KRT81: variants seen among roughly 807,000 people sequenced by gnomAD.
KRT81 encodes the protein keratin 81.
In KRT81, 35 loss-of-function variants were observed where a neutral mutation model predicts 35.8. The ratio of observed to expected loss-of-function variants is 0.98; its 90% CI spans 0.75 to 1.30. The LOEUF is 1.30. KRT81 is among the 50% of genes most tolerant of loss of function. KRT81 has a pLI of 0.00. For synonymous variants in KRT81, 249 were observed against 251.2 expected, an observed-to-expected ratio of 0.99 and a Z score of 0.08; for missense variants, 531 against 577.4, an observed-to-expected ratio of 0.92 and a Z score of 0.82.
rs936511328 is a variant in KRT81, at chr12:52,288,164, G to A, written c.736-16C>T. On this transcript the variant is annotated splice_polypyrimidine_tract_variant and intron_variant, in intron 4 of 8. Transcript: ENST00000327741. ...TGAGGATCTCCTGCAGGAGGTGAGGGCAGTGACTTTAGTTGAGAATACAGC... is the reference window on the plus strand; with the variant it reads ...TGAGGATCTCCTGCAGGAGGTGAGGACAGTGACTTTAGTTGAGAATACAGC... 3.1e-6 allele frequency: 5 copies of A among 1,613,854 alleles called. No individual in the cohort carries two copies. Among genetic ancestry groups the A allele is most frequent in the Non-Finnish European group, 3.4e-6 (4 of 1,179,968 alleles).
Position 52,291,524 on chromosome 12 carries a change from A to G in KRT81, c.-59T>C. The G allele has an allele frequency of 5.0e-6, 8 of 1,602,520 alleles. No homozygotes were observed. Among genetic ancestry groups the G allele is most frequent in the Non-Finnish European group, 6.0e-6 (7 of 1,173,520 alleles). ...GATAGGGGACCTGGAGTCCTGATGG[A>G]AACTCCAATGTGCTCCTCAGGGCAC... On this transcript the variant is annotated 5_prime_UTR_variant, in exon 1 of 9. Transcript: ENST00000327741.
intron 3 of KRT81, among the ~76,000 whole-genome samples, chr12:52,288,726 C>A (rs1414056273): frequency 6.6e-6 from 1 of 152,068 alleles, no homozygotes; most frequent in Non-Finnish European, 1.5e-5. Flanking sequence ...CTCCAGGAAG[C>A]CTGCCCAGAC....
chr12:52,286,730 A>G, intron 8 of KRT81, 61 bp downstream of exon 8: 1 of 1,553,982 alleles, frequency 6.4e-7, no homozygotes, highest in Non-Finnish European at 8.9e-7. Flanking sequence ...CCTTTTTCCA[A>G]ACTCTGCCCT....
chr12:52,290,426 G>A, intron 1 of KRT81, 140 bp from the exon 2 acceptor site: 1 of 24,836 alleles, frequency 4.0e-5, no homozygotes, highest in Non-Finnish European at 6.9e-5. Context: ...GGCAGTGGGA[G>A]ACAGACAATT....
chr12:52,286,961 C>A (rs1592422428), intron 7 of KRT81, 139 bp from the exon 8 acceptor site: 1 of 1,548,136 alleles, frequency 6.5e-7, no homozygotes, highest in East Asian at 2.3e-5. Context: ...GACAAACTCA[C>A]ACACCAGCCC....
At chr12:52,286,904 C>G (rs1937961074) in intron 7 of KRT81, 82 bp from the exon 8 acceptor site, 1 of 1,555,876 alleles carries the variant, frequency 6.4e-7, no homozygotes, top group African/African-American at 1.4e-5. Flanking sequence ...GGGTAGGGTC[C>G]ACAACTGGTC....
chr12:52,286,186 C>T lies in KRT81; in HGVS notation c.*69G>A. On this transcript the variant is annotated 3_prime_UTR_variant, in exon 9 of 9. Coordinates refer to ENST00000327741, the MANE Select transcript of KRT81 (RefSeq NM_002281.4). ...GTAGCTGAGCACTTGCTCCAGGCGC[C>T]TGGACTGGATGGGCCAAGCAAGGCA... The T allele has an allele frequency of 2.3e-6, 3 of 1,323,338 alleles. No homozygotes were observed. Among genetic ancestry groups the T allele is most frequent in the South Asian group, 2.5e-5 (2 of 79,214 alleles). The allele number at this position is 1,323,338 out of a possible 1,614,324, so 82.0% of individuals were successfully genotyped here.
intron 5 of KRT81, 118 bp from the exon 6 acceptor site, chr12:52,287,839 C>T: frequency 1.2e-6 from 2 of 1,603,946 alleles, no homozygotes; most frequent in South Asian, 1.1e-5. Flanking sequence ...CATGGCAGTC[C>T]TGCCCTGCCA....
chr12:52,288,259 C>A, intron 4 of KRT81, 102 bp downstream of exon 4: 1 of 1,601,194 alleles, frequency 6.2e-7, no homozygotes, highest in Non-Finnish European at 8.5e-7. Flanking sequence ...CCTCACACAG[C>A]CTCAGGGACT....
In KRT81 at chr12:52,287,295, G is replaced by T; in HGVS notation, c.1054C>A (p.Gln352Lys). The change falls in exon 7 of 9, where the codon CAG (glutamine) becomes AAG (lysine). Residue 352 changes from glutamine to lysine, a missense_variant. Coordinates refer to ENST00000327741, the MANE Select transcript of KRT81 (RefSeq NM_002281.4). Reference sequence around the variant, plus strand: ...GCCGCCTCACCCTGCTGCTCAGACTGGGCCACCGCGGCCTCCAGCTTGGAG... The same window carrying T: ...GCCGCCTCACCCTGCTGCTCAGACTTGGCCACCGCGGCCTCCAGCTTGGAG... ...QNSKLEAAVA[Q>K]SEQQGEAALS... is the part of the protein sequence containing the mutation. 6.2e-7 allele frequency: 1 copy of T among 1,614,030 alleles called. No individual in the cohort carries two copies. Among genetic ancestry groups the T allele is most frequent in the Non-Finnish European group, 8.5e-7 (1 of 1,179,970 alleles).
chr12:52,286,914 C>A, intron 7 of KRT81, 92 bp from the exon 8 acceptor site: 1 of 1,541,376 alleles, frequency 6.5e-7, no homozygotes, highest in South Asian at 1.1e-5. Flanking sequence ...CACAACTGGT[C>A]AATTAAGAAC....
Position 52,288,367 on chromosome 12 carries a change from A to C in KRT81, c.729T>G (p.Tyr243Ter). The C allele has an allele frequency of 6.2e-7, 1 of 1,613,866 alleles. No individual in the cohort carries two copies. Among genetic ancestry groups the C allele is most frequent in the Admixed American group, 1.7e-5 (1 of 60,000 alleles). Residue 243 changes from tyrosine to a stop codon, truncating the protein, a stop_gained, in exon 4 of 9, where the codon TAT becomes TAG. Transcript: ENST00000327741. LOFTEE classifies it high-confidence loss of function. ...IQEIDFLRRL[Y>*]EEEILILQSH... ...CTGGCCCCTGAGCCCGCACCTCCTC[A>C]TACAGCCGCCTCAGGAAGTCGATCT...
chr12:52,288,346 C>G lies in KRT81; in HGVS notation c.735+15G>C. ...TGCTGGCTGCCAGGTTTCTGTCTGG[C>G]CCCTGAGCCCGCACCTCCTCATACA... On this transcript the variant is annotated intron_variant, in intron 4 of 8. Coordinates refer to ENST00000327741, the MANE Select transcript of KRT81 (RefSeq NM_002281.4). The G allele has an allele frequency of 3.7e-6, 6 of 1,613,804 alleles. No homozygotes were observed. The highest frequency in any genetic ancestry group is 5.1e-6 in the Non-Finnish European group (6 of 1,179,866).
At position 52,287,731 on chromosome 12, in the gene KRT81, G is replaced by A; in HGVS notation, c.901-10C>T. On this transcript the variant is annotated splice_polypyrimidine_tract_variant and intron_variant, in intron 5 of 8. Transcript: ENST00000327741. ...CCTTCATCTCCTCACACTGGGGGAA[G>A]TAGAGATGCTCATGAGGTTCAGGGT... 2 of 1,614,056 alleles carry A rather than the reference G, an allele frequency of 1.2e-6. No individual in the cohort carries two copies. The highest frequency in any genetic ancestry group is 1.7e-6 in the Non-Finnish European group (2 of 1,179,972).
intron 3 of KRT81, among the ~76,000 whole-genome samples, chr12:52,288,729 GCCCAGACTGACCC>G (rs1374992834): frequency 4.0e-5 from 6 of 151,820 alleles, no homozygotes; most frequent in Admixed American, 3.9e-4. Flanking sequence ...CAGGAAGCCT[GCCCAGACTGACCC>G]CCCAGCTCTC....
chr12:52,288,572 C>G (rs1938041760), intron 3 of KRT81, 116 bp from the exon 4 acceptor site: 1 of 1,213,844 alleles, frequency 8.2e-7, no homozygotes, highest in Admixed American at 1.7e-5. Flanking sequence ...TGTCCCATTC[C>G]CATGCCTTTC....
Position 52,291,067 on chromosome 12 carries a change from T to G in KRT81, c.369+30A>C, listed in dbSNP as rs1938101172. 5.6e-6 allele frequency: 3 copies of G among 537,558 alleles called. No individual in the cohort carries two copies. The Admixed American group carries it at 1.3e-4, about 24-fold the overall frequency. The allele number at this position is 537,558 out of a possible 1,614,324, so 33.3% of individuals were successfully genotyped here. ...GCCCTGGCTGTGTAGGTGGTGGGGG[T>G]TCAGGAAGGGTGTGATCCAGGACAC... On this transcript the variant is annotated intron_variant, in intron 1 of 8. Transcript: ENST00000327741.
chr12:52,288,349 C>G lies in KRT81; in HGVS notation c.735+12G>C. 1 of 1,613,956 alleles carries G rather than the reference C, an allele frequency of 6.2e-7. No individual in the cohort carries two copies. The highest frequency in any genetic ancestry group is 1.1e-5 in the South Asian group (1 of 91,070). On this transcript the variant is annotated intron_variant, in intron 4 of 8. Coordinates refer to ENST00000327741, the MANE Select transcript of KRT81 (RefSeq NM_002281.4). Reference sequence around the variant, plus strand: ...TGGCTGCCAGGTTTCTGTCTGGCCCCTGAGCCCGCACCTCCTCATACAGCC... The same window carrying G: ...TGGCTGCCAGGTTTCTGTCTGGCCCGTGAGCCCGCACCTCCTCATACAGCC...
In KRT81 at chr12:52,287,635, G is replaced by A. The variant is rs371197615; in HGVS notation, c.987C>T (p.Ile329=). 78 of 1,613,818 alleles carry A rather than the reference G, an allele frequency of 4.8e-5. No individual in the cohort carries two copies. Among genetic ancestry groups the A allele is most frequent in the Non-Finnish European group, 2.5e-5 (29 of 1,179,872 alleles). ...TCTCCACCTCGGCCGTCAGCCTTTGGATCATGCGGTTCAGCTCATTGATCT... is the reference window on the plus strand; with the variant it reads ...TCTCCACCTCGGCCGTCAGCCTTTGAATCATGCGGTTCAGCTCATTGATCT... ...KEEINELNRM[I]QRLTAEVENA... The change falls in exon 6 of 9, where the codon ATC becomes ATT. Residue 329 remains isoleucine, a synonymous_variant. Transcript: ENST00000327741.
Sources: allele counts gnomAD v4.1 joint callset (sites outside exome capture counted in the v4.1 genomes callset), GRCh38; gene constraint gnomAD v4.1.1; transcripts MANE v1.5; gene names NCBI Gene and HGNC (gene_info 2026-07-23, HGNC 2026-07-21).